STK10: variants seen among roughly 807,000 people sequenced by gnomAD.
STK10 encodes the protein serine/threonine-protein kinase 10.
A neutral mutation model predicts 113.8 loss-of-function variants in STK10; 78 were observed. The ratio of observed to expected loss-of-function variants is 0.69; its 90% CI spans 0.57 to 0.83. STK10 has a LOEUF of 0.83. Among genes scored for constraint, STK10 ranks in the 40% least tolerant of loss-of-function variants. The pLI is 0.00. For missense variants in STK10, 1,109 were observed against 1,280.1 expected, an observed-to-expected ratio of 0.87 and a Z score of 2.04; for synonymous variants, 465 against 494.7, an observed-to-expected ratio of 0.94 and a Z score of 0.80.
chr5:172,074,887 C>T (rs111345520), intron 12 of STK10, among the ~76,000 whole-genome samples: 343 of 152,060 alleles, frequency 2.3e-3, no homozygotes, highest in Admixed American at 6.0e-3. Flanking sequence ...AGTGTGGTGG[C>T]GCATGTCTGT....
chr5:172,119,819 A>C (rs113501131), intron 3 of STK10, among the ~76,000 whole-genome samples: 9,354 of 147,890 alleles, frequency 0.063, 515 homozygotes, highest in African/African-American at 0.14. Flanking sequence ...AGCGGAGATC[A>C]CGCCACTGCA....
chr5:172,110,191 T>C (rs1391256325), intron 4 of STK10, among the ~76,000 whole-genome samples: 1 of 152,004 alleles, frequency 6.6e-6, no homozygotes, highest in Non-Finnish European at 1.5e-5. Flanking sequence ...TAAACAAACA[T>C]CTACTCCTAA....
intron 2 of STK10, among the ~76,000 whole-genome samples, chr5:172,151,272 T>C (rs2113811576): frequency 6.6e-6 from 1 of 152,212 alleles, no homozygotes; most frequent in East Asian, 1.9e-4. Flanking sequence ...TCACAGTAAG[T>C]GGCAGGCAGG....
In STK10 at chr5:172,085,562, G is replaced by A. The variant is rs192358295; in HGVS notation, c.1686-2478C>T. Among the ~76,000 whole-genome samples, 1,020 of 151,646 alleles carry A rather than the reference G, an allele frequency of 6.7e-3. 7 individuals carry two copies. Among genetic ancestry groups the A allele is most frequent in the African/African-American group, 0.023 (964 of 41,292 alleles). The stretch of plus-strand genomic sequence containing the variant: ...AAATTAGCCAGGTATGGTGGTGCAC[G>A]TCTGTAATCCCAGCTACTTGGGAGG... On this transcript the variant is annotated intron_variant, in intron 10 of 18. Transcript: ENST00000176763.
chr5:172,141,013 G>T (rs767467508), intron 2 of STK10, among the ~76,000 whole-genome samples: 6 of 152,168 alleles, frequency 3.9e-5, no homozygotes, highest in Non-Finnish European at 7.3e-5. Context: ...AGCCAGTCAC[G>T]GAAAGGCAAG....
chr5:172,121,617 A>G (rs13170368), intron 3 of STK10, among the ~76,000 whole-genome samples: 92,611 of 151,846 alleles, frequency 0.61, 31,196 homozygotes, highest in East Asian at 0.85. Context: ...GACCAGCCTG[A>G]TCAACATGGA....
chr5:172,090,154 T>C, intron 10 of STK10, 78 bp downstream of exon 10: 1 of 1,563,222 alleles, frequency 6.4e-7, no homozygotes, highest in African/African-American at 1.4e-5. Context: ...GACAGCCCTC[T>C]CACCAAAGGA....
At chr5:172,152,495 C>G (rs10223125) in intron 2 of STK10, among the ~76,000 whole-genome samples, 16,210 of 151,750 alleles carry the variant, frequency 0.11, 968 homozygotes, top group African/African-American at 0.15. Flanking sequence ...TTCTTGCAGT[C>G]ACTCATTTTG....
intron 4 of STK10, among the ~76,000 whole-genome samples, chr5:172,116,494 C>G (rs777606040): frequency 6.6e-6 from 1 of 152,158 alleles, no homozygotes. Flanking sequence ...AAAGGAGACA[C>G]GTGAGGGGAT....
rs368671444 is a variant in STK10, at chr5:172,106,401, C to CAAAAAAAAAAAAAAAAAAAAAAAA, written c.788+218_788+219insTTTTTTTTTTTTTTTTTTTTTTTT. 2.4e-3 allele frequency among the ~76,000 whole-genome samples: 130 copies of CAAAAAAAAAAAAAAAAAAAAAAAA among 53,384 alleles called. 14 individuals carry two copies. Among genetic ancestry groups the CAAAAAAAAAAAAAAAAAAAAAAAA allele is most frequent in the African/African-American group, 2.8e-3 (52 of 18,254 alleles). 35.0% of individuals were successfully genotyped at this position (53,384 alleles called of 152,430 possible). On this transcript the variant is annotated intron_variant, in intron 6 of 18. Transcript: ENST00000176763. ...TGGGCAAAAGAGTGAGACCCTATCT[C>CAAAAAAAAAAAAAAAAAAAAAAAA]AAAAAAAAAAAAAAAAAGGAACACA...
chr5:172,115,098 C>T (rs1294633367), intron 4 of STK10: 3 of 152,194 alleles, frequency 2.0e-5, no homozygotes, highest in East Asian at 1.9e-4. Flanking sequence ...TCTGAAAAAC[C>T]ATCTCCCCAC....
At chr5:172,178,843 C>T (rs1770803889) in intron 1 of STK10, among the ~76,000 whole-genome samples, 1 of 152,156 alleles carries the variant, frequency 6.6e-6, no homozygotes, top group African/African-American at 2.4e-5. Context: ...GCCATTATGC[C>T]TCCCTCCCCC....
rs779961813 is a variant in STK10, at chr5:172,096,612, G to A, written c.871-52C>T. ...AGAACCACTCTGGGGTCACGGTGGG[G>A]TGGAAGAGGCTGGGGGAGCTCACCC... is the stretch of plus-strand genomic sequence containing the variant. On this transcript the variant is annotated intron_variant, in intron 7 of 18. Coordinates refer to ENST00000176763, the MANE Select transcript of STK10 (RefSeq NM_005990.4). 1.6e-5 allele frequency: 26 copies of A among 1,598,940 alleles called. 1 individual carries two copies. The highest frequency in any genetic ancestry group is 1.3e-4 in the East Asian group (6 of 44,674).
Position 172,158,282 on chromosome 5 carries a change from CA to C in STK10, c.157-1495del, listed in dbSNP as rs70982372. Among the ~76,000 whole-genome samples the C allele has an allele frequency of 5.1e-3, 737 of 145,034 alleles. 7 individuals are homozygous for C. The highest frequency in any genetic ancestry group is 0.018 in the African/African-American group (700 of 39,104). The stretch of plus-strand genomic sequence containing the variant: ...GCAATTCTGCTCATAGGTATATACC[CA>C]AAAAAAAAAGCTCAAAGCAAGGACT... On this transcript the variant is annotated intron_variant, in intron 1 of 18. Transcript: ENST00000176763.
intron 10 of STK10, among the ~76,000 whole-genome samples, chr5:172,088,929 T>C (rs1487605801): frequency 1.3e-5 from 2 of 152,196 alleles, no homozygotes; most frequent in Non-Finnish European, 2.9e-5. Context: ...GCAAACAGCT[T>C]TGCCTCACAC....
chr5:172,057,004 G>GAGAGAGAGAGA (rs1554115578), intron 15 of STK10: 2 of 73,394 alleles, frequency 2.7e-5, no homozygotes, highest in African/African-American at 1.0e-4. Context: ...AGAGAAAGAA[G>GAGAGAGAGAGA]GAAAGAAAGA....
intron 13 of STK10, chr5:172,061,487 T>G: frequency 1.9e-6 from 1 of 523,780 alleles, no homozygotes. Context: ...AGTCTCGGTC[T>G]GTCACCAGAG....
intron 2 of STK10, among the ~76,000 whole-genome samples, chr5:172,129,224 C>T (rs1308230810): frequency 1.3e-5 from 2 of 152,192 alleles, no homozygotes; most frequent in African/African-American, 2.4e-5. Flanking sequence ...TTAACGTGGG[C>T]CAGGGATACT....
intron 2 of STK10, among the ~76,000 whole-genome samples, chr5:172,155,316 G>T (rs889246505): frequency 6.6e-6 from 1 of 151,982 alleles, no homozygotes; most frequent in Non-Finnish European, 1.5e-5. Context: ...TGACCAAGAC[G>T]GTGAAACCCC....
Sources: gnomAD v4.1 joint callset for allele counts (sites outside exome capture counted in the v4.1 genomes callset) on GRCh38, gnomAD v4.1.1 for gene constraint, MANE v1.5 for transcripts, NCBI Gene and HGNC (gene_info 2026-07-23, HGNC 2026-07-21) for gene names.